FANCM: variants seen among roughly 807,000 people sequenced by gnomAD.
FANCM encodes Fanconi anemia group M protein.
Under a neutral mutation model 199.5 loss-of-function variants are expected in FANCM, and 140 were observed. That is an observed-to-expected ratio of 0.70 (90% confidence interval 0.61 to 0.81). The LOEUF (loss-of-function observed/expected upper bound fraction) is 0.81, where lower values mean the gene tolerates loss of function less well. Ranked by LOEUF, FANCM falls within the 30% of genes least tolerant of loss-of-function variation. FANCM has a pLI of 0.00. For synonymous variants in FANCM, 840 were observed against 836.8 expected (o/e 1.00, Z -0.07); for missense variants, 2,410 against 2,421.4 (o/e 1.00, Z 0.10).
intron 16 of FANCM, 26 bp from the exon 17 acceptor site, chr14:45,183,746 ATG>A: frequency 6.4e-7 from 1 of 1,566,120 alleles, no homozygotes; most frequent in Non-Finnish European, 8.8e-7. Context: ...TTTTTTTCTT[ATG>A]CAAGAATTTT....
intron 3 of FANCM, among the ~76,000 whole-genome samples, chr14:45,143,632 C>A (rs1008063880): frequency 3.3e-5 from 5 of 151,612 alleles, no homozygotes; most frequent in African/African-American, 9.7e-5. Context: ...GATTTTGAGA[C>A]CTGTCCTATA....
Position 45,164,427 on chromosome 14 carries a change from G to A in FANCM, c.1650G>A (p.Leu550=), listed in dbSNP as rs1240921763. ...CTACCTGTGTGGGTGAAGAAGGTTT[G>A]GATATAGGAGAAGTTGATCTTATAA... ...LVSTCVGEEG[L]DIGEVDLIIC... is the part of the protein sequence containing the mutation. Residue 550 remains leucine (L), a synonymous_variant, in exon 10 of 23, where the codon TTG becomes TTA. Coordinates refer to ENST00000267430, the MANE Select transcript of FANCM (RefSeq NM_020937.4). The A allele has an allele frequency of 5.0e-6, 8 of 1,613,432 alleles. No individual in the cohort carries two copies. Among genetic ancestry groups the A allele is most frequent in the Non-Finnish European group, 6.8e-6 (8 of 1,179,972 alleles).
At chr14:45,169,533 A>G (rs1888208142) in intron 11 of FANCM, among the ~76,000 whole-genome samples, 1 of 151,960 alleles carries the variant, frequency 6.6e-6, no homozygotes, top group African/African-American at 2.4e-5. Flanking sequence ...CTGTGTGGCT[A>G]GGACTACAGG....
chr14:45,185,961 C>T (rs934583040), intron 18 of FANCM, among the ~76,000 whole-genome samples: 7 of 152,110 alleles, frequency 4.6e-5, no homozygotes, highest in Non-Finnish European at 7.4e-5. Flanking sequence ...TGCAGTGGCG[C>T]AGTCATAGTT....
chr14:45,147,514 T>C (rs1886490817), intron 3 of FANCM, among the ~76,000 whole-genome samples: 1 of 152,082 alleles, frequency 6.6e-6, no homozygotes, highest in South Asian at 2.1e-4. Context: ...AATTCCTGGC[T>C]TCAAGCAGTC....
At chr14:45,190,434 C>G (rs1203685771) in intron 20 of FANCM, among the ~76,000 whole-genome samples, 1 of 152,150 alleles carries the variant, frequency 6.6e-6, no homozygotes, top group Non-Finnish European at 1.5e-5. Flanking sequence ...TGTGTTACCT[C>G]AAATACTTAT....
rs530233908 is a variant in FANCM, at chr14:45,154,706, G to A, written c.1193G>A (p.Arg398Gln). 4.8e-5 allele frequency: 76 copies of A among 1,592,650 alleles called. 1 individual carries two copies. In the Admixed American group the frequency reaches 7.9e-4, roughly 17 times the overall value. ...GIMDGTKGMT[R>Q]SKNELGRNED... Reference sequence around the variant, plus strand: ...TTCTTAATTTCTGAAGGGATGACACGGTCAAAAAATGAACTTGGCCGAAAT... The same window carrying A: ...TTCTTAATTTCTGAAGGGATGACACAGTCAAAAAATGAACTTGGCCGAAAT... The change falls in exon 7 of 23, where the codon CGG becomes CAG. Residue 398 changes from arginine (R) to glutamine (Q), a missense_variant. Physicochemically the swap from Arg to Gln is conservative, Grantham distance 43 (BLOSUM62 1). Transcript: ENST00000267430.
chr14:45,173,037 A>G lies in FANCM; in HGVS notation c.2161-18A>G, dbSNP rs780042399. On this transcript the variant is annotated intron_variant, in intron 12 of 22. Coordinates refer to ENST00000267430, the MANE Select transcript of FANCM (RefSeq NM_020937.4). Reference sequence around the variant, plus strand: ...TCAGTATGTTTTCATCATTTTTATTACTTTTTAAATAATTAAGGCTCAAGA... The same window carrying G: ...TCAGTATGTTTTCATCATTTTTATTGCTTTTTAAATAATTAAGGCTCAAGA... The G allele has an allele frequency of 7.7e-6, 12 of 1,565,148 alleles. No homozygotes were observed. In the Admixed American group the frequency reaches 1.8e-4, roughly 24 times the overall value.
At chr14:45,153,648 T>A (rs1375276101) in intron 5 of FANCM, among the ~76,000 whole-genome samples, 4 of 152,222 alleles carry the variant, frequency 2.6e-5, no homozygotes, top group African/African-American at 9.6e-5. Context: ...CTTTACTTAT[T>A]ATTTTTAAAA....
Position 45,187,769 on chromosome 14 carries a change from A to G in FANCM, c.4673-12A>G, listed in dbSNP as rs373163994. On this transcript the variant is annotated splice_polypyrimidine_tract_variant and intron_variant, in intron 18 of 22. Transcript: ENST00000267430. Reference sequence around the variant, plus strand: ...ATTTTGCTAATTTATCTAAATTCTTATCTTTACACAGATTCTGAAATGAGA... The same window carrying G: ...ATTTTGCTAATTTATCTAAATTCTTGTCTTTACACAGATTCTGAAATGAGA... 170 of 1,317,430 alleles carry G rather than the reference A, an allele frequency of 1.3e-4. No individual in the cohort carries two copies. In the African/African-American group the frequency reaches 1.6e-3, roughly 13 times the overall value. The allele number at this position is 1,317,430 out of a possible 1,614,324, so 81.6% of individuals were successfully genotyped here.
chr14:45,198,664 A>G lies in FANCM; in HGVS notation c.5737A>G (p.Arg1913Gly). The change falls in exon 22 of 23, where the codon AGG (arginine) becomes GGG (glycine). Residue 1913 changes from arginine to glycine, a missense_variant. Coordinates refer to ENST00000267430, the MANE Select transcript of FANCM (RefSeq NM_020937.4). Reference protein sequence around the residue: ...EKTGDTSRMFRRTKSYDSLLT... With the variant: ...EKTGDTSRMFGRTKSYDSLLT... ...TTTAGGAGACACATCAAGGATGTTT[A>G]GGAGAACAAAGAGCTATGACAGCCT... 1 of 1,612,048 alleles carries G rather than the reference A, an allele frequency of 6.2e-7. No individual in the cohort carries two copies. The highest frequency in any genetic ancestry group is 8.5e-7 in the Non-Finnish European group (1 of 1,178,416).
rs200603043 is a variant in FANCM at position 45,160,002 on chromosome 14, GT to G, written c.1581+739del. 5.7e-3 allele frequency among the ~76,000 whole-genome samples: 701 copies of G among 121,970 alleles called. 7 individuals carry two copies. Among genetic ancestry groups the G allele is most frequent in the African/African-American group, 0.017 (579 of 33,486 alleles). 80.0% of individuals were successfully genotyped at this position (121,970 alleles called of 152,430 possible). A position where few individuals can be genotyped will look rare whatever the true frequency, so the allele number is the denominator to read the frequency against. ...CGTTAGTAGATGAGGTTTTTTTTTT[GT>G]TTTTTTTTTTTTTTTTAGATGGAAT... On this transcript the variant is annotated intron_variant, in intron 9 of 22. Transcript: ENST00000267430.
intron 10 of FANCM, among the ~76,000 whole-genome samples, chr14:45,164,844 C>T (rs1887853825): frequency 6.6e-6 from 1 of 152,170 alleles, no homozygotes; most frequent in Non-Finnish European, 1.5e-5. Flanking sequence ...CTTTGTTTTA[C>T]TATTTTCCTG....
Position 45,166,868 on chromosome 14 carries a change from T to C in FANCM, c.1789-82T>C. ...GGTTTAATTTTATGTTTACAATAAA[T>C]CCAAACTAATAATTGCTTGTTATGG... On this transcript the variant is annotated intron_variant, in intron 10 of 22. Transcript: ENST00000267430. 3.6e-6 allele frequency: 3 copies of C among 830,296 alleles called. No homozygotes were observed. The South Asian group carries it at 4.5e-5, about 12-fold the overall frequency. 51.4% of individuals were successfully genotyped at this position (830,296 alleles called of 1,614,324 possible). A position where few individuals can be genotyped will look rare whatever the true frequency, so the allele number is the denominator to read the frequency against.
chr14:45,200,855 C>G lies in FANCM; in HGVS notation c.*847C>G, dbSNP rs551623775. The G allele has an allele frequency of 3.9e-5, 6 of 152,182 alleles. No homozygotes were observed. Among genetic ancestry groups the G allele is most frequent in the Admixed American group, 3.9e-4 (6 of 15,302 alleles). The allele number at this position is 152,182 out of a possible 1,614,324, so 9.4% of individuals were successfully genotyped here. On this transcript the variant is annotated 3_prime_UTR_variant, in exon 23 of 23. Coordinates refer to ENST00000267430, the MANE Select transcript of FANCM (RefSeq NM_020937.4). The stretch of plus-strand genomic sequence containing the variant: ...CCGAGGCCTCCCCAGCCATGCAGGA[C>G]TGTGAGTCAATTAAACATCTTTTCC...
intron 7 of FANCM, 43 bp downstream of exon 7, chr14:45,154,865 T>A (rs779813925): frequency 6.4e-7 from 1 of 1,560,860 alleles, no homozygotes; most frequent in Non-Finnish European, 8.8e-7. Flanking sequence ...TTGTGTTTCT[T>A]AATCACAGTT....
At chr14:45,186,520 ATAT>A (rs1889410426) in intron 18 of FANCM, among the ~76,000 whole-genome samples, 1 of 152,152 alleles carries the variant, frequency 6.6e-6, no homozygotes, top group Non-Finnish European at 1.5e-5. Context: ...GCAGTCTCTG[ATAT>A]TATTTAAAGT....
At chr14:45,177,225 AG>A (rs1888770286) in intron 14 of FANCM, among the ~76,000 whole-genome samples, 1 of 152,188 alleles carries the variant, frequency 6.6e-6, no homozygotes, top group Non-Finnish European at 1.5e-5. Flanking sequence ...AAGATGAGTA[AG>A]ATCTGGCCCT....
chr14:45,177,049 C>G, intron 14 of FANCM, 73 bp downstream of exon 14: 1 of 1,001,248 alleles, frequency 1.0e-6, no homozygotes. Flanking sequence ...GGTAATTTTT[C>G]CAAATGTAAT....
Sources: allele counts gnomAD v4.1 joint callset (sites outside exome capture counted in the v4.1 genomes callset), GRCh38; gene constraint gnomAD v4.1.1; transcripts MANE v1.5; gene names NCBI Gene and HGNC (gene_info 2026-07-23, HGNC 2026-07-21).